The following ATP11A variants were observed in gnomAD, a reference collection of about 807,000 sequenced individuals.
The protein encoded by ATP11A is ATPase phospholipid transporting 11A, also known as phospholipid-transporting ATPase IH.
In ATP11A, 81 loss-of-function variants were observed where a neutral mutation model predicts 154.4. The ratio of observed to expected loss-of-function variants is 0.52; its 90% CI spans 0.44 to 0.63. The LOEUF is 0.63. ATP11A is among the 30% of genes least tolerant of loss of function. The pLI is 0.00. For synonymous variants in ATP11A, 623 were observed against 585.9 expected (o/e 1.06, Z -0.91); for missense variants, 1,316 against 1,474.3 (o/e 0.89, Z 1.76).
chr13:112,812,062 C>T (rs1055877108), intron 5 of ATP11A: 2 of 152,148 alleles, frequency 1.3e-5, no homozygotes, highest in African/African-American at 4.8e-5. Flanking sequence ...TATTACAGTT[C>T]TTCTTGAAGG....
chr13:112,875,181 C>T lies in ATP11A; in HGVS notation c.3162-595C>T, dbSNP rs1453032343. 6.6e-6 allele frequency among the ~76,000 whole-genome samples: 1 copy of T among 152,192 alleles called. No homozygotes were observed. The highest frequency in any genetic ancestry group is 2.4e-5 in the African/African-American group (1 of 41,448). On this transcript the variant is annotated intron_variant, in intron 27 of 29. Coordinates refer to ENST00000375645, the MANE Select transcript of ATP11A (RefSeq NM_015205.3). This position sits in a 1 kb window ranked among gnomAD's most constrained non-coding sequence, Gnocchi z 4.1. ...ACCAGTTTCACTGTGCTTCCTGGAG[C>T]TGGGGCCCTATCTCTGTGTCTCTGC...
intron 2 of ATP11A, among the ~76,000 whole-genome samples, chr13:112,788,789 C>T (rs1274378730): frequency 6.6e-6 from 1 of 151,178 alleles, no homozygotes; most frequent in East Asian, 2.0e-4. Context: ...GTGTAAACCC[C>T]TGTGTAGATC....
chr13:112,885,090 C>G lies in ATP11A; in HGVS notation c.*3224C>G, dbSNP rs556077610. 6.6e-6 allele frequency: 1 copy of G among 151,456 alleles called. No individual in the cohort carries two copies. Among genetic ancestry groups the G allele is most frequent in the South Asian group, 2.1e-4 (1 of 4,828 alleles). 9.4% of individuals were successfully genotyped at this position (151,456 alleles called of 1,614,324 possible). On this transcript the variant is annotated 3_prime_UTR_variant, in exon 30 of 30. Transcript: ENST00000375645. ...GCTCCTACACGCATACACACACACA[C>G]GTGTACATGCACCAAAGCATGTGTG...
At chr13:112,871,673 A>G in intron 25 of ATP11A, 62 bp from the exon 26 acceptor site, 3 of 1,513,988 alleles carry the variant, frequency 2.0e-6, no homozygotes, top group Non-Finnish European at 1.8e-6. Flanking sequence ...AAAACTCTTG[A>G]TTGTGAAAGA....
intron 1 of ATP11A, among the ~76,000 whole-genome samples, chr13:112,777,913 C>A (rs1454117990): frequency 6.6e-6 from 1 of 152,266 alleles, no homozygotes; most frequent in African/African-American, 2.4e-5. Flanking sequence ...ATGTGGAATT[C>A]CTCTCGGAGG....
intron 1 of ATP11A, among the ~76,000 whole-genome samples, chr13:112,783,963 A>G (rs186536034): frequency 6.6e-6 from 1 of 152,292 alleles, no homozygotes; most frequent in East Asian, 1.9e-4. Flanking sequence ...GACACCTAGC[A>G]GGGTTGAGCG....
At chr13:112,752,620 A>G (rs2139819751) in intron 1 of ATP11A, among the ~76,000 whole-genome samples, 1 of 152,258 alleles carries the variant, frequency 6.6e-6, no homozygotes, top group Middle Eastern at 3.4e-3. Context: ...TTAATGAGGA[A>G]TTTTACTGAG....
At chr13:112,873,956 CAGG>C (rs2080633083) in intron 27 of ATP11A, among the ~76,000 whole-genome samples, 1 of 152,166 alleles carries the variant, frequency 6.6e-6, no homozygotes, top group African/African-American at 2.4e-5. Context: ...GATTCCGCAC[CAGG>C]GGACCCATGT....
At chr13:112,822,780 A>T (rs2078832449) in intron 8 of ATP11A, among the ~76,000 whole-genome samples, 1 of 149,124 alleles carries the variant, frequency 6.7e-6, no homozygotes, top group Non-Finnish European at 1.5e-5. Flanking sequence ...TTGAAAGTTG[A>T]GTGACTTTTA....
In ATP11A at chr13:112,858,034, G is replaced by C. The variant is rs890137070; in HGVS notation, c.2522-111G>C. On this transcript the variant is annotated intron_variant, in intron 21 of 29. Transcript: ENST00000375645. ...AGGACACCCCCGTCACCACCCTCGT[G>C]TGTGACCGGGAAGGCTCATGATGAT... is the stretch of plus-strand genomic sequence containing the variant. The C allele has an allele frequency of 6.4e-6, 10 of 1,562,768 alleles. No individual in the cohort carries two copies. In the African/African-American group the frequency reaches 9.5e-5, roughly 15 times the overall value.
rs1274101453 is a variant in ATP11A at position 112,882,132 on chromosome 13, G to A, written c.*266G>A. On this transcript the variant is annotated 3_prime_UTR_variant, in exon 30 of 30. Transcript: ENST00000375645. The surrounding 1 kb of genome is among the most constrained non-coding windows in gnomAD (Gnocchi z 5.1). ...CTGGCCCCCAGCAGGCAAGGAGGGG[G>A]GTCACAGGCCTTGCCCTCGAGCATG... The A allele has an allele frequency of 3.8e-6, 5 of 1,328,354 alleles. No homozygotes were observed. Among genetic ancestry groups the A allele is most frequent in the South Asian group, 1.2e-5 (1 of 83,294 alleles). 82.3% of individuals were successfully genotyped at this position (1,328,354 alleles called of 1,614,324 possible).
chr13:112,808,737 C>T (rs948654702), intron 4 of ATP11A, among the ~76,000 whole-genome samples: 11 of 152,144 alleles, frequency 7.2e-5, no homozygotes, highest in Admixed American at 2.0e-4. Context: ...TGGGCACTGA[C>T]GGGCATCTCA....
At chr13:112,764,154 G>C (rs961112780) in intron 1 of ATP11A, among the ~76,000 whole-genome samples, 2 of 152,216 alleles carry the variant, frequency 1.3e-5, no homozygotes, top group Non-Finnish European at 2.9e-5. Context: ...CATAAAAGCA[G>C]GAGTATCTGT....
chr13:112,826,991 C>G, intron 12 of ATP11A, 100 bp downstream of exon 12: 1 of 1,248,572 alleles, frequency 8.0e-7, no homozygotes, highest in Non-Finnish European at 1.2e-6. Context: ...CGTGGCTGTA[C>G]CTGTAGCTGG....
At chr13:112,790,723 CTTAA>C (rs2077829108) in intron 2 of ATP11A, among the ~76,000 whole-genome samples, 1 of 151,962 alleles carries the variant, frequency 6.6e-6, no homozygotes, top group African/African-American at 2.4e-5. Flanking sequence ...TGGAGACTTA[CTTAA>C]TTCACACTCA....
intron 14 of ATP11A, among the ~76,000 whole-genome samples, chr13:112,834,330 G>T (rs975490530): frequency 2.0e-5 from 3 of 152,226 alleles, no homozygotes; most frequent in African/African-American, 7.2e-5. Context: ...GAACAATACT[G>T]ACAAGAATGT....
At chr13:112,725,081 G>A (rs1889675028) in intron 1 of ATP11A, among the ~76,000 whole-genome samples, 2 of 152,280 alleles carry the variant, frequency 1.3e-5, no homozygotes, top group Admixed American at 1.3e-4. Flanking sequence ...CTTGCCGTAG[G>A]TTGCCGGCCA....
Position 112,825,486 on chromosome 13 carries a change from T to A in ATP11A, c.929T>A (p.Ile310Lys). The change falls in exon 11 of 30, where the codon ATA becomes AAA. Residue 310 changes from isoleucine to lysine, a missense_variant. Transcript: ENST00000375645. ...TGCATTCTGATCAGCAAAGCCCTGA[T>A]AAACACTGTGCTGAAATACATGTGG... ...YLCILISKAL[I>K]NTVLKYMWQS... 1 of 1,614,020 alleles carries A rather than the reference T, an allele frequency of 6.2e-7. No homozygotes were observed. The highest frequency in any genetic ancestry group is 1.1e-5 in the South Asian group (1 of 91,058).
chr13:112,848,751 G>C (rs191986886), intron 17 of ATP11A, among the ~76,000 whole-genome samples: 36 of 152,312 alleles, frequency 2.4e-4, no homozygotes, highest in Admixed American at 1.4e-3. Flanking sequence ...GCAATGGCAC[G>C]ATCTCGGCTC....
Sources: gnomAD v4.1 joint callset for allele counts (sites outside exome capture counted in the v4.1 genomes callset) on GRCh38, gnomAD v4.1.1 for gene constraint, Gnocchi (gnomAD v3.1) non-coding constraint, MANE v1.5 for transcripts, NCBI Gene and HGNC (gene_info 2026-07-23, HGNC 2026-07-21) for gene names.